The following DCDC1 variants were observed in gnomAD, a reference collection of about 807,000 sequenced individuals.
DCDC1 encodes the protein doublecortin domain containing 1, also known as doublecortin domain-containing protein 1.
Under a neutral mutation model 178.3 loss-of-function variants are expected in DCDC1, and 200 were observed. The observed-to-expected ratio is 1.12, with a 90% confidence interval of 1.00 to 1.26. The LOEUF (loss-of-function observed/expected upper bound fraction) is 1.26, where lower values mean the gene tolerates loss of function less well. DCDC1 is among the 50% of genes most tolerant of loss of function. DCDC1 has a pLI of 0.00. For missense variants in DCDC1, 1,983 were observed against 1,749.2 expected (o/e 1.13, Z -2.38); for synonymous variants, 690 against 604.8 (o/e 1.14, Z -2.07).
chr11:31,110,228 T>TA (rs1959117290), intron 12 of DCDC1, 32 bp downstream of exon 12: 3 of 686,114 alleles, frequency 4.4e-6, no homozygotes, highest in Non-Finnish European at 8.0e-6. Flanking sequence ...GCAAGACACT[T>TA]AAAGTCATAA....
intron 31 of DCDC1, 131 bp downstream of exon 31, chr11:30,904,830 T>C: frequency 2.0e-6 from 2 of 991,918 alleles, no homozygotes; most frequent in Non-Finnish European, 3.0e-6. Context: ...GAGATCTTCA[T>C]CTCATCAGCT....
chr11:31,087,252 T>C (rs1957535696), intron 17 of DCDC1, among the ~76,000 whole-genome samples: 1 of 152,140 alleles, frequency 6.6e-6, no homozygotes, highest in African/African-American at 2.4e-5. Context: ...TGTCCTCTCT[T>C]TTTATCTGAA....
At chr11:31,072,839 T>C (rs1410532008) in intron 18 of DCDC1, among the ~76,000 whole-genome samples, 1 of 152,114 alleles carries the variant, frequency 6.6e-6, no homozygotes, top group African/African-American at 2.4e-5. Flanking sequence ...TGCCAAATAC[T>C]TAAAATTCTA....
chr11:31,123,821 G>T (rs960294986), intron 11 of DCDC1, among the ~76,000 whole-genome samples: 1 of 152,036 alleles, frequency 6.6e-6, no homozygotes. Flanking sequence ...ATCTTGGTTT[G>T]CTGGATGCAG....
chr11:31,249,438 A>G (rs1943811025), intron 8 of DCDC1, among the ~76,000 whole-genome samples: 1 of 152,188 alleles, frequency 6.6e-6, no homozygotes, highest in African/African-American at 2.4e-5. Context: ...AATAGTAAAA[A>G]TATAAATTAG....
At position 31,143,063 on chromosome 11, in the gene DCDC1, C is replaced by T. The variant is rs1964026436; in HGVS notation, c.1222-5279G>A. Among the ~76,000 whole-genome samples the T allele has an allele frequency of 2.0e-5, 3 of 151,920 alleles. No individual in the cohort carries two copies. In the South Asian group the frequency reaches 6.2e-4, roughly 32 times the overall value. On this transcript the variant is annotated intron_variant, in intron 9 of 38. Coordinates refer to ENST00000684477, the MANE Select transcript of DCDC1 (RefSeq NM_001387274.1). The stretch of plus-strand genomic sequence containing the variant: ...ATACAAATAGGTTAACAGTAAAGTG[C>T]AATATGGTTAAGGAGACAATTAAAA...
intron 17 of DCDC1, among the ~76,000 whole-genome samples, chr11:31,078,738 G>A (rs901821844): frequency 1.4e-4 from 22 of 152,190 alleles, no homozygotes; most frequent in African/African-American, 5.3e-4. Context: ...TCATAGGCAT[G>A]TTGAAATGGA....
chr11:31,294,258 G>A (rs1015948096), intron 6 of DCDC1, among the ~76,000 whole-genome samples: 3 of 151,844 alleles, frequency 2.0e-5, no homozygotes, highest in Non-Finnish European at 2.9e-5. Flanking sequence ...ACAGAGACTC[G>A]AAATGAGGAT....
intron 1 of DCDC1, among the ~76,000 whole-genome samples, chr11:31,348,256 A>C (rs1363076619): frequency 6.6e-6 from 1 of 152,164 alleles, no homozygotes; most frequent in Non-Finnish European, 1.5e-5. Context: ...ATTCGAACTC[A>C]CATTTTCTAG....
intron 20 of DCDC1, among the ~76,000 whole-genome samples, chr11:30,991,534 T>A (rs1950979873): frequency 6.6e-6 from 1 of 152,168 alleles, no homozygotes; most frequent in Admixed American, 6.6e-5. Flanking sequence ...TGGGAAACTT[T>A]AAACTAGATG....
chr11:31,139,216 T>TA (rs1426502894), intron 9 of DCDC1, among the ~76,000 whole-genome samples: 1 of 152,162 alleles, frequency 6.6e-6, no homozygotes, highest in Admixed American at 6.5e-5. Context: ...AACAAAACTT[T>TA]AAAAAACAAC....
At chr11:31,121,743 A>T (rs1474132994) in intron 11 of DCDC1, among the ~76,000 whole-genome samples, 1 of 151,956 alleles carries the variant, frequency 6.6e-6, no homozygotes, top group African/African-American at 2.4e-5. Flanking sequence ...TGATTCTTGA[A>T]GTTGAGCTGT....
At chr11:31,192,358 T>C (rs180700531) in intron 9 of DCDC1, among the ~76,000 whole-genome samples, 1 of 152,236 alleles carries the variant, frequency 6.6e-6, no homozygotes, top group Admixed American at 6.5e-5. Context: ...ATTGACCCAA[T>C]GTTGGCTACC....
chr11:31,050,098 G>A (rs1955141038), intron 20 of DCDC1, among the ~76,000 whole-genome samples: 1 of 152,176 alleles, frequency 6.6e-6, no homozygotes, highest in Non-Finnish European at 1.5e-5. Context: ...GAGGCAGATA[G>A]CCTCAGGCAA....
At chr11:31,353,935 CT>C (rs890231059) in intron 1 of DCDC1, among the ~76,000 whole-genome samples, 5 of 152,010 alleles carry the variant, frequency 3.3e-5, no homozygotes, top group African/African-American at 9.7e-5. Flanking sequence ...TAAGATTTTT[CT>C]TTTTTTTCTT....
At position 30,903,473 on chromosome 11, in the gene DCDC1, G is replaced by A; in HGVS notation, c.4510+9C>T. 1 of 1,580,632 alleles carries A rather than the reference G, an allele frequency of 6.3e-7. No individual in the cohort carries two copies. The highest frequency in any genetic ancestry group is 8.6e-7 in the Non-Finnish European group (1 of 1,161,864). ...TAGAATCAGCTAAATGCTGTAGATTGTAGCCAACCTTCCATACTTTCAACA... is the reference window on the plus strand; with the variant it reads ...TAGAATCAGCTAAATGCTGTAGATTATAGCCAACCTTCCATACTTTCAACA... On this transcript the variant is annotated intron_variant, in intron 32 of 38. Coordinates refer to ENST00000684477, the MANE Select transcript of DCDC1 (RefSeq NM_001387274.1).
chr11:30,962,313 T>C (rs1267059678), intron 20 of DCDC1, among the ~76,000 whole-genome samples: 1 of 152,040 alleles, frequency 6.6e-6, no homozygotes, highest in Non-Finnish European at 1.5e-5. Context: ...TGTATATTCA[T>C]GCCCCTTTGC....
At chr11:30,872,881 G>T (rs1341025066) in intron 38 of DCDC1, among the ~76,000 whole-genome samples, 1 of 151,670 alleles carries the variant, frequency 6.6e-6, no homozygotes, top group Non-Finnish European at 1.5e-5. Context: ...ACTTCTAAAT[G>T]CCTCTCCTCC....
chr11:31,145,083 T>G (rs1964291864), intron 9 of DCDC1, among the ~76,000 whole-genome samples: 1 of 152,242 alleles, frequency 6.6e-6, no homozygotes. Flanking sequence ...TAGTTAATAG[T>G]ACCTATTTCA....
Sources: gnomAD v4.1 joint callset for allele counts (sites outside exome capture counted in the v4.1 genomes callset) on GRCh38, gnomAD v4.1.1 for gene constraint, MANE v1.5 for transcripts, NCBI Gene and HGNC (gene_info 2026-07-23, HGNC 2026-07-21) for gene names.